Variants in FHAD1 observed in about 807,000 individuals in gnomAD.
FHAD1 encodes forkhead associated phosphopeptide binding domain 1, also known as forkhead-associated domain-containing protein 1.
In FHAD1, 146 loss-of-function variants were observed where a neutral mutation model predicts 191.3. The observed-to-expected ratio is 0.76, with a 90% CI of 0.67 to 0.88. The LOEUF (loss-of-function observed/expected upper bound fraction) is 0.88. FHAD1 is among the 40% of genes least tolerant of loss of function. The pLI is 0.00. For synonymous variants in FHAD1, 616 were observed against 672.3 expected (o/e 0.92, Z 1.29); for missense variants, 1,635 against 1,785.8 (o/e 0.92, Z 1.52).
chr1:15,239,723 T>C (rs1170127383), intron 1 of FHAD1, among the ~76,000 whole-genome samples: 2 of 152,200 alleles, frequency 1.3e-5, no homozygotes, highest in Non-Finnish European at 2.9e-5. Context: ...GGGCCAGGTT[T>C]AGGACCTCCT....
chr1:15,329,536 A>G lies in FHAD1; in HGVS notation c.1901A>G (p.Asn634Ser), dbSNP rs756383036. 10 of 1,550,724 alleles carry G rather than the reference A, an allele frequency of 6.4e-6. No individual in the cohort carries two copies. The South Asian group carries it at 7.1e-5, about 11-fold the overall frequency. ...RDLGILPSSPNKGFSLYLIYL... is the reference protein window; with the variant it reads ...RDLGILPSSPSKGFSLYLIYL... ...CTCGGGATCCTGCCCTCCAGCCCCA[A>G]CAAAGGTTACTGGGACTTTTTTTCT... The change falls in exon 14 of 34, where the codon AAC becomes AGC. Residue 634 changes from asparagine (N) to serine (S), a missense_variant. Transcript: ENST00000688493. The surrounding 1 kb of genome is among the most constrained non-coding windows in gnomAD (Gnocchi z 5.0).
At chr1:15,360,049 G>C (rs1474342521) in intron 21 of FHAD1, among the ~76,000 whole-genome samples, 3 of 152,252 alleles carry the variant, frequency 2.0e-5, no homozygotes, top group African/African-American at 7.2e-5. Context: ...GGAGGCAGAG[G>C]TTGCAGTGAG....
At chr1:15,387,022 C>A (rs1702296206) in intron 31 of FHAD1, among the ~76,000 whole-genome samples, 1 of 151,968 alleles carries the variant, frequency 6.6e-6, no homozygotes. Flanking sequence ...CACCACCACG[C>A]CCGGCTTATT....
At chr1:15,257,038 C>T (rs1648528220) in intron 2 of FHAD1, among the ~76,000 whole-genome samples, 1 of 152,238 alleles carries the variant, frequency 6.6e-6, no homozygotes, top group Non-Finnish European at 1.5e-5. Flanking sequence ...TTGCCTGGCA[C>T]CTGCCATTTC....
chr1:15,253,940 G>T (rs1469215533), intron 2 of FHAD1, among the ~76,000 whole-genome samples: 1 of 152,002 alleles, frequency 6.6e-6, no homozygotes, highest in Non-Finnish European at 1.5e-5. Context: ...TAACTGTAGG[G>T]TTTTTTTATA....
At position 15,376,836 on chromosome 1, in the gene FHAD1, G is replaced by C. The variant is rs79736949; in HGVS notation, c.3705+1106G>C. ...GTATCGCTTGAGGTCAGGAGCTTGA[G>C]ACCAGCCTGGGAAACATAGCGAGAC... On this transcript the variant is annotated intron_variant, in intron 28 of 33. Coordinates refer to ENST00000688493, the MANE Select transcript of FHAD1 (RefSeq NM_001391957.1). Among the ~76,000 whole-genome samples the C allele has an allele frequency of 4.1e-4, 63 of 152,276 alleles. No homozygotes were observed. In the East Asian group the frequency reaches 0.012, roughly 29 times the overall value.
chr1:15,292,113 G>A (rs968368012), intron 4 of FHAD1, among the ~76,000 whole-genome samples: 1 of 152,076 alleles, frequency 6.6e-6, no homozygotes. Flanking sequence ...TGTATTGAGA[G>A]AGTGCCTTTC....
chr1:15,336,653 C>T (rs77843760), intron 14 of FHAD1, among the ~76,000 whole-genome samples: 10 of 152,286 alleles, frequency 6.6e-5, no homozygotes, highest in African/African-American at 2.2e-4. Flanking sequence ...TCGCTTCTTT[C>T]GCTCCTTTTC....
chr1:15,345,673 G>A (rs920494680), intron 18 of FHAD1, 150 bp downstream of exon 18: 65 of 658,604 alleles, frequency 9.9e-5, no homozygotes, highest in African/African-American at 5.4e-4. Flanking sequence ...TTTGGGAAGC[G>A]TGGGAGACTC....
At chr1:15,348,140 G>A (rs951341385) in intron 18 of FHAD1, among the ~76,000 whole-genome samples, 4 of 152,328 alleles carry the variant, frequency 2.6e-5, no homozygotes, top group East Asian at 3.9e-4. Context: ...CTTTTCTTCT[G>A]CTTTAAGGCT....
intron 4 of FHAD1, among the ~76,000 whole-genome samples, chr1:15,294,590 G>A (rs1015335537): frequency 5.3e-5 from 8 of 152,034 alleles, no homozygotes; most frequent in Non-Finnish European, 8.8e-5. Context: ...TTGGAGTTTC[G>A]CCATGTTGGC....
At position 15,360,484 on chromosome 1, in the gene FHAD1, G is replaced by A; in HGVS notation, c.2743G>A (p.Val915Met). 6.4e-7 allele frequency: 1 copy of A among 1,551,128 alleles called. No homozygotes were observed. The highest frequency in any genetic ancestry group is 8.7e-7 in the Non-Finnish European group (1 of 1,146,852). Residue 915 changes from valine (V) to methionine (M), a missense_variant, in exon 22 of 34, where the codon GTG becomes ATG. Val to Met is a conservative substitution (Grantham distance 21). Transcript: ENST00000688493. ...GTGACTCTCTGTTTCCCAGATCATG[G>A]TGGAAGAGCGGCTAATCCTGCAGCA... ...LETTKTKMIM[V>M]EERLILQQKM...
chr1:15,382,193 G>A lies in FHAD1; in HGVS notation c.4188G>A (p.Lys1396=). 6.4e-7 allele frequency: 1 copy of A among 1,550,716 alleles called. No individual in the cohort carries two copies. Among genetic ancestry groups the A allele is most frequent in the South Asian group, 1.2e-5 (1 of 84,014 alleles). ...KRINRAIRQQ[K]ESVEEHELRN... is the part of the protein sequence containing the mutation. Reference sequence around the variant, plus strand: ...TCAACAGGGCCATCCGGCAGCAGAAGGTGAGGCGCTGCTGCCCAGGGCAGA... The same window carrying A: ...TCAACAGGGCCATCCGGCAGCAGAAAGTGAGGCGCTGCTGCCCAGGGCAGA... Residue 1396 remains lysine (K), a splice_region_variant and synonymous_variant, in exon 31 of 34, where the codon AAG becomes AAA. Transcript: ENST00000688493.
At chr1:15,390,437 C>T (rs1703685954) in intron 32 of FHAD1, among the ~76,000 whole-genome samples, 2 of 151,982 alleles carry the variant, frequency 1.3e-5, no homozygotes, top group Non-Finnish European at 2.9e-5. Flanking sequence ...GACACTAGGC[C>T]CACAGTCCCA....
chr1:15,281,801 G>T (rs1399781228), intron 3 of FHAD1, among the ~76,000 whole-genome samples: 7 of 151,396 alleles, frequency 4.6e-5, no homozygotes, highest in Admixed American at 6.6e-5. Context: ...GGGAGGAAGG[G>T]GGCATTGATT....
rs756655567 is a variant in FHAD1 at position 15,317,896 on chromosome 1, G to A, written c.1333G>A (p.Val445Met). The change falls in exon 10 of 34, where the codon GTG becomes ATG. Residue 445 changes from valine (V) to methionine (M), a missense_variant. Coordinates refer to ENST00000688493, the MANE Select transcript of FHAD1 (RefSeq NM_001391957.1). ...ELRKSCTEQSVISRTLREKSK... is the reference protein window; with the variant it reads ...ELRKSCTEQSMISRTLREKSK... ...GAGGAAGAGTTGTACTGAACAAAGCGTGATCTCTAGGACTCTGAGAGAAAA... is the reference window on the plus strand; with the variant it reads ...GAGGAAGAGTTGTACTGAACAAAGCATGATCTCTAGGACTCTGAGAGAAAA... The A allele has an allele frequency of 2.7e-4, 412 of 1,551,608 alleles. 8 individuals carry two copies. The South Asian group carries it at 4.1e-3, about 15-fold the overall frequency.
chr1:15,319,601 T>A (rs1010999675), intron 10 of FHAD1, among the ~76,000 whole-genome samples: 5 of 151,990 alleles, frequency 3.3e-5, no homozygotes, highest in Admixed American at 3.3e-4. Context: ...CTACAAAAAA[T>A]TAAAATAATC....
chr1:15,358,104 G>C lies in FHAD1; in HGVS notation c.2563-6G>C, dbSNP rs537684147. The C allele has an allele frequency of 1.3e-6, 2 of 1,499,444 alleles. No homozygotes were observed. Among genetic ancestry groups the C allele is most frequent in the Non-Finnish European group, 1.8e-6 (2 of 1,129,420 alleles). The allele number at this position is 1,499,444 out of a possible 1,614,324, so 92.9% of individuals were successfully genotyped here. A position where few individuals can be genotyped will look rare whatever the true frequency, so the allele number is the denominator to read the frequency against. On this transcript the variant is annotated splice_polypyrimidine_tract_variant and splice_region_variant and intron_variant, in intron 20 of 33. Transcript: ENST00000688493. ...CTGTTATTTTGCTACTTGTTTTTTT[G>C]TCTAGGAATTAGAATTAAAAGAGCA...
At chr1:15,374,859 T>C (rs199794528) in intron 27 of FHAD1, among the ~76,000 whole-genome samples, 8 of 129,370 alleles carry the variant, frequency 6.2e-5, no homozygotes, top group East Asian at 2.2e-4. Flanking sequence ...TTTTTTTTTT[T>C]GTTTGTTTTT....
Sources: gnomAD v4.1 joint callset for allele counts (sites outside exome capture counted in the v4.1 genomes callset) on GRCh38, gnomAD v4.1.1 for gene constraint, Gnocchi (gnomAD v3.1) non-coding constraint, MANE v1.5 for transcripts, NCBI Gene and HGNC (gene_info 2026-07-23, HGNC 2026-07-21) for gene names.